The following CCBE1 variants were observed in gnomAD, a reference collection of about 807,000 sequenced individuals.
The protein encoded by CCBE1 is collagen and calcium binding EGF domains 1.
CCBE1 carries 37 observed loss-of-function variants against 50.0 expected under a neutral mutation model. That is an observed-to-expected ratio of 0.74 (90% CI 0.57 to 0.97). The LOEUF (loss-of-function observed/expected upper bound fraction) is 0.97. Among genes scored for constraint, CCBE1 ranks in the 50% least tolerant of loss-of-function variants. The pLI, the probability that CCBE1 is intolerant of heterozygous loss-of-function variation, is 0.00. For missense variants in CCBE1, 538 were observed against 523.8 expected, an observed-to-expected ratio of 1.03 and a Z score of -0.26; for synonymous variants, 234 against 203.7, an observed-to-expected ratio of 1.15 and a Z score of -1.27.
At chr18:59,673,159 A>G (rs1256809250) in intron 2 of CCBE1, among the ~76,000 whole-genome samples, 5 of 152,184 alleles carry the variant, frequency 3.3e-5, no homozygotes, top group Admixed American at 1.3e-4. Context: ...GATTAAAAAT[A>G]GTTTGTTGAG....
intron 2 of CCBE1, among the ~76,000 whole-genome samples, chr18:59,527,053 A>G (rs1473817025): frequency 6.6e-6 from 1 of 152,152 alleles, no homozygotes; most frequent in Non-Finnish European, 1.5e-5. Flanking sequence ...GTTCAAGTCC[A>G]GAATCTTTGT....
intron 2 of CCBE1, among the ~76,000 whole-genome samples, chr18:59,522,126 CTT>C (rs756293644): frequency 1.4e-4 from 10 of 73,596 alleles, no homozygotes; most frequent in African/African-American, 2.7e-4. Context: ...CTTAACTTTT[CTT>C]TTTTTTTTTT....
At chr18:59,644,667 T>C (rs1369588884) in intron 2 of CCBE1, among the ~76,000 whole-genome samples, 7 of 152,212 alleles carry the variant, frequency 4.6e-5, no homozygotes, top group South Asian at 2.1e-4. Context: ...GTTGGCACAA[T>C]GTGTGGGGAA....
intron 2 of CCBE1, among the ~76,000 whole-genome samples, chr18:59,578,066 A>C (rs986879666): frequency 6.6e-6 from 1 of 152,220 alleles, no homozygotes; most frequent in Non-Finnish European, 1.5e-5. Context: ...TATCTATCTG[A>C]CAAAGGGCTA....
At chr18:59,558,978 C>T (rs774723896) in intron 2 of CCBE1, among the ~76,000 whole-genome samples, 1 of 152,218 alleles carries the variant, frequency 6.6e-6, no homozygotes. Flanking sequence ...TCACTCCCCT[C>T]GGACTTCAGC....
At chr18:59,644,468 C>A (rs774665511) in intron 2 of CCBE1, among the ~76,000 whole-genome samples, 4 of 152,236 alleles carry the variant, frequency 2.6e-5, no homozygotes, top group Non-Finnish European at 5.9e-5. Flanking sequence ...TCCTTGTAAG[C>A]CACTTTAACC....
At chr18:59,662,540 C>T (rs1451802192) in intron 2 of CCBE1, among the ~76,000 whole-genome samples, 2 of 152,068 alleles carry the variant, frequency 1.3e-5, no homozygotes, top group African/African-American at 2.4e-5. Context: ...CAATAATAGC[C>T]TAGAGGGGGG....
chr18:59,566,682 T>G (rs1220055022), intron 2 of CCBE1, among the ~76,000 whole-genome samples: 2 of 152,174 alleles, frequency 1.3e-5, no homozygotes, highest in Non-Finnish European at 2.9e-5. Flanking sequence ...CTGAACATAT[T>G]AATAAAGTCC....
intron 2 of CCBE1, among the ~76,000 whole-genome samples, chr18:59,676,034 A>G (rs1456765111): frequency 6.6e-6 from 1 of 152,200 alleles, no homozygotes; most frequent in African/African-American, 2.4e-5. Context: ...AAAAACAGCA[A>G]GAACTATAAT....
At chr18:59,468,673 G>T (rs760810544) in intron 4 of CCBE1, among the ~76,000 whole-genome samples, 1 of 152,118 alleles carries the variant, frequency 6.6e-6, no homozygotes, top group African/African-American at 2.4e-5. Context: ...CATGACAGCT[G>T]GTTTATCTTC....
chr18:59,437,078 G>A (rs79421618), intron 10 of CCBE1, among the ~76,000 whole-genome samples: 14 of 152,292 alleles, frequency 9.2e-5, no homozygotes, highest in Admixed American at 3.9e-4. Flanking sequence ...TTGTAAAGAC[G>A]TCAACTCCTC....
chr18:59,642,948 C>CAAAAA (rs10683687), intron 2 of CCBE1, among the ~76,000 whole-genome samples: 58 of 94,146 alleles, frequency 6.2e-4, no homozygotes, highest in African/African-American at 2.3e-3. Context: ...GACTCCACCT[C>CAAAAA]AAAAAAAAAA....
intron 2 of CCBE1, among the ~76,000 whole-genome samples, chr18:59,657,469 G>A (rs79269279): frequency 0.021 from 3,157 of 152,328 alleles, 102 homozygotes; most frequent in African/African-American, 0.072. Flanking sequence ...TGCACACAGT[G>A]CACCCAACCC....
At chr18:59,659,018 G>A (rs914324049) in intron 2 of CCBE1, among the ~76,000 whole-genome samples, 2 of 151,524 alleles carry the variant, frequency 1.3e-5, no homozygotes, top group Admixed American at 6.6e-5. Context: ...ATTTCCATCA[G>A]CACCACATCC....
At chr18:59,516,943 G>T (rs1914400548) in intron 2 of CCBE1, among the ~76,000 whole-genome samples, 1 of 152,154 alleles carries the variant, frequency 6.6e-6, no homozygotes, top group Admixed American at 6.5e-5. Flanking sequence ...ACTATCTCCA[G>T]TTCAGGTTAT....
chr18:59,448,671 G>A (rs368875037), intron 6 of CCBE1, among the ~76,000 whole-genome samples: 2 of 152,164 alleles, frequency 1.3e-5, no homozygotes, highest in African/African-American at 2.4e-5. Flanking sequence ...GTGATCACGG[G>A]AGTCAATTCT....
intron 2 of CCBE1, among the ~76,000 whole-genome samples, chr18:59,692,210 G>T (rs2144752092): frequency 6.6e-6 from 1 of 152,280 alleles, no homozygotes; most frequent in East Asian, 1.9e-4. Context: ...ATGCAGACTT[G>T]GCAAGATGTA....
chr18:59,467,390 G>T (rs1223925682), intron 4 of CCBE1, among the ~76,000 whole-genome samples: 1 of 152,124 alleles, frequency 6.6e-6, no homozygotes, highest in Non-Finnish European at 1.5e-5. Context: ...CTTAGGAATG[G>T]CTCCTTCCCA....
intron 2 of CCBE1, among the ~76,000 whole-genome samples, chr18:59,695,347 C>G (rs1320493413): frequency 6.6e-6 from 1 of 152,196 alleles, no homozygotes; most frequent in Non-Finnish European, 1.5e-5. Flanking sequence ...CTTGCTCACC[C>G]AGTTAGCCTC....
Sources: gnomAD v4.1 joint callset for allele counts (sites outside exome capture counted in the v4.1 genomes callset) on GRCh38, gnomAD v4.1.1 for gene constraint, MANE v1.5 for transcripts, NCBI Gene and HGNC (gene_info 2026-07-23, HGNC 2026-07-21) for gene names.